ELMO1: variants seen among roughly 807,000 people sequenced by gnomAD.
The protein encoded by ELMO1 is engulfment and cell motility 1.
In ELMO1, 26 loss-of-function variants were observed where a neutral mutation model predicts 98.9. The ratio of observed to expected loss-of-function variants is 0.26; its 90% CI spans 0.19 to 0.36. The LOEUF (loss-of-function observed/expected upper bound fraction) is 0.36. Among genes scored for constraint, ELMO1 ranks in the 10% least tolerant of loss-of-function variants. The pLI is 1.00. For missense variants in ELMO1, 627 were observed against 935.2 expected (o/e 0.67, Z 4.30); for synonymous variants, 346 against 346.0 (o/e 1.00, Z 0.00).
At chr7:37,373,432 C>G (rs983042389) in intron 1 of ELMO1, among the ~76,000 whole-genome samples, 2 of 152,038 alleles carry the variant, frequency 1.3e-5, no homozygotes, top group Middle Eastern at 3.4e-3. Flanking sequence ...TATGTTGAAA[C>G]CCAGTCTCTA....
At chr7:37,302,370 A>T (rs1297250273) in intron 4 of ELMO1, among the ~76,000 whole-genome samples, 1 of 151,922 alleles carries the variant, frequency 6.6e-6, no homozygotes, top group Non-Finnish European at 1.5e-5. Context: ...GATCCTGTAA[A>T]CCTCTAAGGC....
chr7:36,975,087 C>T (rs73342261), intron 16 of ELMO1, among the ~76,000 whole-genome samples: 14,780 of 152,248 alleles, frequency 0.097, 944 homozygotes, highest in East Asian at 0.24. Context: ...AGACCAAGAA[C>T]CCACCAATTC....
intron 2 of ELMO1, among the ~76,000 whole-genome samples, chr7:37,338,238 AG>A (rs144508100): frequency 0.041 from 6,187 of 152,294 alleles, 179 homozygotes; most frequent in Middle Eastern, 0.071. Context: ...CTGAGGCTCA[AG>A]GCTAACTGAG....
intron 13 of ELMO1, among the ~76,000 whole-genome samples, chr7:37,199,820 C>G (rs1210924772): frequency 1.3e-5 from 2 of 152,122 alleles, no homozygotes; most frequent in Non-Finnish European, 2.9e-5. Context: ...GAAAGATCTG[C>G]AAGTATTCTA....
chr7:37,136,123 C>A (rs1263830927), intron 13 of ELMO1, among the ~76,000 whole-genome samples: 1 of 151,976 alleles, frequency 6.6e-6, no homozygotes, highest in Non-Finnish European at 1.5e-5. Flanking sequence ...AATAAAGAAC[C>A]TCAAAGCTCA....
intron 16 of ELMO1, among the ~76,000 whole-genome samples, chr7:36,986,677 G>A (rs1450401359): frequency 6.6e-6 from 1 of 152,108 alleles, no homozygotes; most frequent in Non-Finnish European, 1.5e-5. Flanking sequence ...ACTTTTATTT[G>A]ATTGTGAGTT....
At chr7:37,379,996 G>A (rs1486413329) in intron 1 of ELMO1, among the ~76,000 whole-genome samples, 1 of 152,136 alleles carries the variant, frequency 6.6e-6, no homozygotes, top group Non-Finnish European at 1.5e-5. Context: ...GATGTATGTT[G>A]CATATATGTT....
At chr7:37,190,415 C>T (rs190057930) in intron 13 of ELMO1, among the ~76,000 whole-genome samples, 121 of 152,248 alleles carry the variant, frequency 7.9e-4, no homozygotes, top group African/African-American at 2.6e-3. Context: ...TCTTTCATTA[C>T]GGTCTATCAG....
At chr7:36,861,053 A>G (rs1366613909) in intron 21 of ELMO1, among the ~76,000 whole-genome samples, 1 of 152,252 alleles carries the variant, frequency 6.6e-6, no homozygotes, top group East Asian at 1.9e-4. Context: ...GTTCCAGTTT[A>G]TAAAAGAAAG....
intron 1 of ELMO1, among the ~76,000 whole-genome samples, chr7:37,440,500 G>A (rs1805365661): frequency 6.6e-6 from 1 of 151,534 alleles, no homozygotes; most frequent in South Asian, 2.1e-4. Context: ...GCTGGGTGTG[G>A]TGGCTCACAC....
At chr7:37,048,366 A>C (rs1795916726) in intron 15 of ELMO1, among the ~76,000 whole-genome samples, 1 of 150,356 alleles carries the variant, frequency 6.7e-6, no homozygotes, top group Admixed American at 6.6e-5. Flanking sequence ...AAATTCCCTT[A>C]AATTATAAAA....
intron 13 of ELMO1, among the ~76,000 whole-genome samples, chr7:37,208,615 A>G (rs559791976): frequency 1.3e-5 from 2 of 152,286 alleles, no homozygotes; most frequent in African/African-American, 4.8e-5. Context: ...CCAGACCCTG[A>G]TATCATCAGC....
At chr7:37,352,839 G>C (rs529920517) in intron 1 of ELMO1, among the ~76,000 whole-genome samples, 10 of 152,314 alleles carry the variant, frequency 6.6e-5, no homozygotes, top group South Asian at 2.1e-4. Context: ...CAGAATACTT[G>C]TATTTGTGAT....
At chr7:37,051,581 G>GTT (rs34978964) in intron 15 of ELMO1, among the ~76,000 whole-genome samples, 236 of 145,122 alleles carry the variant, frequency 1.6e-3, no homozygotes, top group Middle Eastern at 0.014. Context: ...ACTTAAAGGT[G>GTT]TTTTTTTTTT....
chr7:37,363,588 C>T (rs544220934), intron 1 of ELMO1, among the ~76,000 whole-genome samples: 12 of 152,248 alleles, frequency 7.9e-5, no homozygotes, highest in East Asian at 5.8e-4. Flanking sequence ...CAAGCTCCTA[C>T]GATGAAATGT....
intron 21 of ELMO1, among the ~76,000 whole-genome samples, chr7:36,857,479 T>C (rs963712347): frequency 1.3e-5 from 2 of 152,124 alleles, no homozygotes; most frequent in Non-Finnish European, 2.9e-5. Flanking sequence ...GTCCTGGGGA[T>C]TACTGTTCTT....
intron 6 of ELMO1, among the ~76,000 whole-genome samples, chr7:37,255,346 T>G (rs1322445905): frequency 6.6e-6 from 1 of 152,182 alleles, no homozygotes; most frequent in Non-Finnish European, 1.5e-5. Flanking sequence ...CAGAGCAACC[T>G]CAGCAGAAAC....
At chr7:36,859,825 C>T (rs538135572) in intron 21 of ELMO1, among the ~76,000 whole-genome samples, 1 of 152,210 alleles carries the variant, frequency 6.6e-6, no homozygotes, top group South Asian at 2.1e-4. Context: ...CTGTGTGGGT[C>T]ACTTATACAT....
chr7:37,360,170 C>G (rs1220491162), intron 1 of ELMO1, among the ~76,000 whole-genome samples: 6 of 152,078 alleles, frequency 3.9e-5, no homozygotes, highest in Non-Finnish European at 8.8e-5. Context: ...CAGAGAGATT[C>G]TTTTATAAGC....
Sources: allele counts gnomAD v4.1 joint callset (sites outside exome capture counted in the v4.1 genomes callset), GRCh38; gene constraint gnomAD v4.1.1; transcripts MANE v1.5; gene names NCBI Gene and HGNC (gene_info 2026-07-23, HGNC 2026-07-21).